The following DNAH3 variants were observed in gnomAD, a reference collection of about 807,000 sequenced individuals.
DNAH3 encodes axonemal beta dynein heavy chain 3.
Under a neutral mutation model 432.5 loss-of-function variants are expected in DNAH3, and 332 were observed. The ratio of observed to expected loss-of-function variants is 0.77; its 90% CI spans 0.70 to 0.84. The LOEUF (loss-of-function observed/expected upper bound fraction) is 0.84, where lower values mean the gene tolerates loss of function less well. DNAH3 is among the 40% of genes least tolerant of loss of function. The pLI, the probability that DNAH3 is intolerant of heterozygous loss-of-function variation, is 0.00. For synonymous variants in DNAH3, 1,956 were observed against 1,900.2 expected (o/e 1.03, Z -0.76); for missense variants, 4,861 against 5,114.0 (o/e 0.95, Z 1.51).
In DNAH3 at chr16:20,964,124, G is replaced by A. The variant is rs200540648; in HGVS notation, c.9760C>T (p.Leu3254=). 3.1e-6 allele frequency: 5 copies of A among 1,614,178 alleles called. No individual in the cohort carries two copies. In the East Asian group the frequency reaches 8.9e-5, roughly 29 times the overall value. Residue 3254 remains leucine, a synonymous_variant, in exon 53 of 62, where the codon CTG becomes TTG. Coordinates refer to ENST00000261383, the Ensembl canonical transcript of DNAH3. The stretch of plus-strand genomic sequence containing the variant: ...ACTTTGATGGCGGTTTCATCCTCCA[G>A]GATGTTACCCTTGGACATGGAGAGA...
chr16:21,148,572 T>C (rs1257933977), intron 1 of DNAH3, among the ~76,000 whole-genome samples: 1 of 152,062 alleles, frequency 6.6e-6, no homozygotes, highest in Admixed American at 6.6e-5. Context: ...GCTTCCTTAC[T>C]GCATCATGCA....
chr16:21,156,833 C>T (rs2092900690), intron 1 of DNAH3, among the ~76,000 whole-genome samples: 1 of 152,148 alleles, frequency 6.6e-6, no homozygotes, highest in Non-Finnish European at 1.5e-5. Context: ...AAGCAAAACT[C>T]TGCTGGCCCA....
rs1555530020 is a variant in DNAH3, at chr16:21,020,397, A to ATAT, written c.5777-529_5777-528insATA. ...TCACTATATATATATATATATATATATTTTTTTTTTTTTTTTTTTTTTTGA... is the reference window on the plus strand; with the variant it reads ...TCACTATATATATATATATATATATATATTTTTTTTTTTTTTTTTTTTTTTTGA... On this transcript the variant is annotated intron_variant, in intron 40 of 61. Coordinates refer to ENST00000261383, the Ensembl canonical transcript of DNAH3. Among the ~76,000 whole-genome samples the ATAT allele has an allele frequency of 1.8e-3, 64 of 34,600 alleles. 2 individuals are homozygous for ATAT. The highest frequency in any genetic ancestry group is 5.8e-3 in the African/African-American group (48 of 8,334). The allele number at this position is 34,600 out of a possible 152,430, so 22.7% of individuals were successfully genotyped here. A position where few individuals can be genotyped will look rare whatever the true frequency, so the allele number is the denominator to read the frequency against.
At chr16:21,159,263 C>T in intron 1 of DNAH3, 2 of 1,393,072 alleles carry the variant, frequency 1.4e-6, no homozygotes, top group East Asian at 2.3e-5. Flanking sequence ...AAGTACTCGA[C>T]TCCCCTCTGA....
intron 18 of DNAH3, among the ~76,000 whole-genome samples, chr16:21,095,962 G>T (rs545936841): frequency 1.3e-5 from 2 of 152,158 alleles, no homozygotes; most frequent in Non-Finnish European, 2.9e-5. Flanking sequence ...TAGAAATAAG[G>T]TCTTGCTAAG....
At chr16:21,123,679 G>GGTAAAATGTGCACACGGC (rs1412105396) in intron 9 of DNAH3, among the ~76,000 whole-genome samples, 1 of 152,070 alleles carries the variant, frequency 6.6e-6, no homozygotes, top group African/African-American at 2.4e-5. Context: ...ACTTTGTTAA[G>GGTAAAATGTGCACACGGC]GTAAAATGTG....
At chr16:21,085,849 C>T (rs572739481) in intron 19 of DNAH3, among the ~76,000 whole-genome samples, 2 of 152,146 alleles carry the variant, frequency 1.3e-5, no homozygotes, top group African/African-American at 2.4e-5. Flanking sequence ...CTCAATGCAG[C>T]CTTGACATCC....
intron 54 of DNAH3, among the ~76,000 whole-genome samples, chr16:20,958,072 ATTT>A (rs35285615): frequency 7.2e-5 from 10 of 138,028 alleles, no homozygotes; most frequent in Non-Finnish European, 9.4e-5. Context: ...AAACAGTAGA[ATTT>A]TTTTTTTTTT....
chr16:21,068,325 T>TGGG (rs10547729), intron 23 of DNAH3, among the ~76,000 whole-genome samples: 70 of 76,646 alleles, frequency 9.1e-4, no homozygotes, highest in Middle Eastern at 7.4e-3. Context: ...TTTTTTTGGG[T>TGGG]GGGGGGGGGG....
At position 21,039,214 on chromosome 16, in the gene DNAH3, C is replaced by CTTTTTT. The variant is rs200708542; in HGVS notation, c.4730+632_4730+637dup. ...TAATTGCATATGTTTTATAGTGTTG[C>CTTTTTT]TTTTTTTTTTTTTTTTTTTTTTGAG... On this transcript the variant is annotated intron_variant, in intron 33 of 61. Transcript: ENST00000261383. Among the ~76,000 whole-genome samples, 126 of 125,908 alleles carry CTTTTTT rather than the reference C, an allele frequency of 1.0e-3. 4 individuals are homozygous for CTTTTTT. Among genetic ancestry groups the CTTTTTT allele is most frequent in the African/African-American group, 3.2e-3 (102 of 31,672 alleles). 82.6% of individuals were successfully genotyped at this position (125,908 alleles called of 152,430 possible).
rs1481874898 is a variant in DNAH3 at position 21,051,660 on chromosome 16, C to T, written c.4238+10G>A. The T allele has an allele frequency of 5.0e-6, 8 of 1,612,600 alleles. No homozygotes were observed. The Admixed American group carries it at 1.3e-4, about 27-fold the overall frequency. On this transcript the variant is annotated intron_variant, in intron 29 of 61. Coordinates refer to ENST00000261383, the Ensembl canonical transcript of DNAH3. ...GTTCACCCCTCAGATCTAGGAGCTC[C>T]AGAGTGTACCTGTAGCAGCGGTCGG...
chr16:21,025,860 A>G (rs1200713825), intron 38 of DNAH3, among the ~76,000 whole-genome samples: 1 of 151,892 alleles, frequency 6.6e-6, no homozygotes, highest in East Asian at 1.9e-4. Context: ...CAGCCTCCCA[A>G]GTAGCTGGGA....
intron 33 of DNAH3, among the ~76,000 whole-genome samples, chr16:21,038,378 T>C (rs2089274205): frequency 1.3e-5 from 2 of 152,100 alleles, no homozygotes; most frequent in South Asian, 4.2e-4. Flanking sequence ...GAGCTGGGCA[T>C]GGTAGCATGG....
At chr16:21,143,316 G>T (rs1310247999) in intron 3 of DNAH3, among the ~76,000 whole-genome samples, 2 of 152,128 alleles carry the variant, frequency 1.3e-5, no homozygotes, top group Non-Finnish European at 2.9e-5. Flanking sequence ...GGTCATGAGG[G>T]CTCCATCTTA....
chr16:21,019,898 C>T, intron 40 of DNAH3, 29 bp from the exon 41 acceptor site: 3 of 1,609,646 alleles, frequency 1.9e-6, no homozygotes, highest in Non-Finnish European at 2.5e-6. Flanking sequence ...AATCTCAGGA[C>T]AGAGTGCAGA....
At chr16:20,935,051 T>C (rs2083538091) in intron 61 of DNAH3, among the ~76,000 whole-genome samples, 1 of 152,138 alleles carries the variant, frequency 6.6e-6, no homozygotes, top group Non-Finnish European at 1.5e-5. Context: ...TTCTTGTAAA[T>C]GAAGAGTCCA....
At chr16:21,027,843 T>C (rs564090380) in intron 37 of DNAH3, among the ~76,000 whole-genome samples, 42 of 152,378 alleles carry the variant, frequency 2.8e-4, no homozygotes, top group African/African-American at 9.4e-4. Context: ...GGTCCCTTTC[T>C]CAATATTTAA....
chr16:21,145,406 T>TAAGAAG, the DNAH3 span: 1 of 1,613,310 alleles, frequency 6.2e-7, no homozygotes. Flanking sequence ...GACATGACAG[T>TAAGAAG]CTACGAGGTA....
chr16:21,125,787 A>T (rs9745707), intron 8 of DNAH3, among the ~76,000 whole-genome samples: 4 of 152,178 alleles, frequency 2.6e-5, no homozygotes, highest in Non-Finnish European at 5.9e-5. Flanking sequence ...AAGAAAGAAA[A>T]CATGAAAGGA....
Sources: gnomAD v4.1 joint callset for allele counts (sites outside exome capture counted in the v4.1 genomes callset) on GRCh38, gnomAD v4.1.1 for gene constraint, MANE v1.5 for transcripts, NCBI Gene and HGNC (gene_info 2026-07-23, HGNC 2026-07-21) for gene names.